Variants in PPP1R9A observed in about 807,000 individuals in gnomAD.
The protein encoded by PPP1R9A is protein phosphatase 1 regulatory subunit 9A.
A neutral mutation model predicts 141.9 loss-of-function variants in PPP1R9A; 59 were observed. The observed-to-expected ratio is 0.42, with a 90% CI of 0.34 to 0.52. The LOEUF is 0.52. Among genes scored for constraint, PPP1R9A ranks in the 20% least tolerant of loss-of-function variants. The pLI, the probability that PPP1R9A is intolerant of heterozygous loss-of-function variation, is 0.10. For synonymous variants in PPP1R9A, 500 were observed against 569.7 expected, an observed-to-expected ratio of 0.88 and a Z score of 1.74; for missense variants, 1,444 against 1,611.9, an observed-to-expected ratio of 0.90 and a Z score of 1.78.
At chr7:95,031,788 A>G (rs1374133715) in intron 2 of PPP1R9A, among the ~76,000 whole-genome samples, 1 of 151,958 alleles carries the variant, frequency 6.6e-6, no homozygotes, top group Non-Finnish European at 1.5e-5. Context: ...AAGAAAAGTC[A>G]ATATAGAACC....
intron 2 of PPP1R9A, among the ~76,000 whole-genome samples, chr7:95,074,061 A>T (rs762007098): frequency 6.6e-6 from 1 of 152,204 alleles, no homozygotes; most frequent in Non-Finnish European, 1.5e-5. Flanking sequence ...TATGTGTGAC[A>T]TCTTGGGAAA....
chr7:95,085,421 GT>G (rs113775726), intron 2 of PPP1R9A, among the ~76,000 whole-genome samples: 42,842 of 126,732 alleles, frequency 0.34, 6,570 homozygotes, highest in Non-Finnish European at 0.41. Context: ...AAAATTTTTG[GT>G]TTTTTTTTTT....
rs896194930 is a variant in PPP1R9A at position 95,076,590 on chromosome 7, A to G, written c.1396-34669A>G. On this transcript the variant is annotated intron_variant, in intron 2 of 19. Coordinates refer to ENST00000433360, the MANE Select transcript of PPP1R9A (RefSeq NM_001166160.2). ...TCTTATATCTAGCTGCTCTCCCCCA[A>G]TACTATTTTTATTAAAAAATTTTTA... Among the ~76,000 whole-genome samples the G allele has an allele frequency of 8.5e-5, 13 of 152,144 alleles. 1 individual carries two copies. In the South Asian group the frequency reaches 2.3e-3, roughly 27 times the overall value.
intron 19 of PPP1R9A, among the ~76,000 whole-genome samples, chr7:95,289,415 GC>G (rs1805983213): frequency 6.6e-6 from 1 of 152,202 alleles, no homozygotes. Flanking sequence ...GAATATGAAG[GC>G]CTCATTGACA....
intron 2 of PPP1R9A, among the ~76,000 whole-genome samples, chr7:94,994,237 G>A (rs569456314): frequency 4.3e-4 from 66 of 152,202 alleles, no homozygotes; most frequent in Admixed American, 3.9e-3. Context: ...TGTTTGTTCA[G>A]ATTCTTCTGT....
chr7:95,229,620 C>T (rs971504179), intron 8 of PPP1R9A, among the ~76,000 whole-genome samples: 7 of 152,086 alleles, frequency 4.6e-5, no homozygotes, highest in Non-Finnish European at 7.4e-5. Context: ...GCAAGCCCCA[C>T]CAAAGGAGAG....
chr7:95,274,139 A>G lies in PPP1R9A; in HGVS notation c.3267A>G (p.Lys1089=), dbSNP rs764383405. The G allele has an allele frequency of 1.3e-5, 20 of 1,580,796 alleles. No homozygotes were observed. The East Asian group carries it at 4.1e-4, about 32-fold the overall frequency. ...SKGKKWKEKE[K]EASRFSAGSR... Reference sequence around the variant, plus strand: ...GAAAGAAGTGGAAAGAAAAAGAAAAAGAAGCCAGTAGGTTTTCTGCAGGTA... The same window carrying G: ...GAAAGAAGTGGAAAGAAAAAGAAAAGGAAGCCAGTAGGTTTTCTGCAGGTA... The change falls in exon 16 of 20, where the codon AAA becomes AAG. Residue 1089 remains lysine, a synonymous_variant. Coordinates refer to ENST00000433360, the MANE Select transcript of PPP1R9A (RefSeq NM_001166160.2).
chr7:95,217,621 G>C (rs1486738097), intron 7 of PPP1R9A, among the ~76,000 whole-genome samples: 3 of 152,098 alleles, frequency 2.0e-5, no homozygotes, highest in Non-Finnish European at 2.9e-5. Flanking sequence ...TGGTTGGTAG[G>C]CTCTTAATTA....
chr7:95,079,762 C>T (rs1235696280), intron 2 of PPP1R9A, among the ~76,000 whole-genome samples: 1 of 152,184 alleles, frequency 6.6e-6, no homozygotes, highest in African/African-American at 2.4e-5. Context: ...GGCTTCATCC[C>T]TGGGATGCAA....
chr7:94,957,165 T>C (rs1218198673), intron 2 of PPP1R9A, among the ~76,000 whole-genome samples: 1 of 152,142 alleles, frequency 6.6e-6, no homozygotes, highest in Non-Finnish European at 1.5e-5. Flanking sequence ...AATAGACTTA[T>C]TCTTAAGGCA....
At chr7:95,287,070 A>G in intron 18 of PPP1R9A, 1 of 1,586,622 alleles carries the variant, frequency 6.3e-7, no homozygotes. Flanking sequence ...TGTTTCTGTA[A>G]CACTTTTCTT....
At chr7:94,921,527 G>A (rs1792833284) in intron 2 of PPP1R9A, among the ~76,000 whole-genome samples, 1 of 151,652 alleles carries the variant, frequency 6.6e-6, no homozygotes, top group South Asian at 2.1e-4. Context: ...GGGTAAAATT[G>A]ATGTGCAAAA....
intron 4 of PPP1R9A, among the ~76,000 whole-genome samples, chr7:95,131,898 C>G (rs1824706963): frequency 6.6e-6 from 1 of 151,866 alleles, no homozygotes; most frequent in Non-Finnish European, 1.5e-5. Flanking sequence ...TTATAGATAT[C>G]TTTCACTTTC....
At chr7:95,161,821 A>G (rs1830503401) in intron 4 of PPP1R9A, 46 bp from the exon 5 acceptor site, 1 of 1,247,718 alleles carries the variant, frequency 8.0e-7, no homozygotes, top group Non-Finnish European at 1.1e-6. Flanking sequence ...TACATAAATT[A>G]ATTTTTTATG....
chr7:95,288,438 A>T (rs1050405512), intron 18 of PPP1R9A, 98 bp from the exon 19 acceptor site: 25 of 1,482,746 alleles, frequency 1.7e-5, no homozygotes, highest in Admixed American at 5.0e-5. Flanking sequence ...TTTAAACATA[A>T]ATGTGGCTCT....
chr7:94,922,347 T>C (rs1792954904), intron 2 of PPP1R9A, among the ~76,000 whole-genome samples: 1 of 152,050 alleles, frequency 6.6e-6, no homozygotes, highest in African/African-American at 2.4e-5. Context: ...ACTGTTATAA[T>C]TTCTACTTGA....
intron 2 of PPP1R9A, among the ~76,000 whole-genome samples, chr7:94,994,830 G>T (rs1384557057): frequency 6.6e-6 from 1 of 151,482 alleles, no homozygotes; most frequent in African/African-American, 2.4e-5. Context: ...GGAGGCGGAG[G>T]TTGCAGAGTT....
chr7:95,209,756 G>A (rs1380193339), intron 7 of PPP1R9A, among the ~76,000 whole-genome samples: 4 of 151,918 alleles, frequency 2.6e-5, no homozygotes, highest in South Asian at 2.1e-4. Context: ...TAGCATTTTT[G>A]CAATTACACG....
rs138063482 is a variant in PPP1R9A, at chr7:95,046,994, C to G, written c.1396-64265C>G. 1.9e-3 allele frequency among the ~76,000 whole-genome samples: 293 copies of G among 152,272 alleles called. 1 individual carries two copies. Among genetic ancestry groups the G allele is most frequent in the African/African-American group, 6.5e-3 (270 of 41,574 alleles). ...TTGTAATTGAAAGCTTTTTGTATGT[C>G]TTGGTTGTGGTGCTGGGCTCTCTCC... On this transcript the variant is annotated intron_variant, in intron 2 of 19. Transcript: ENST00000433360.
Sources: gnomAD v4.1 joint callset for allele counts (sites outside exome capture counted in the v4.1 genomes callset) on GRCh38, gnomAD v4.1.1 for gene constraint, MANE v1.5 for transcripts, NCBI Gene and HGNC (gene_info 2026-07-23, HGNC 2026-07-21) for gene names.